Variants in C1QBP observed in about 807,000 individuals in gnomAD.
The protein encoded by C1QBP is complement component 1 Q subcomponent-binding protein, mitochondrial.
A neutral mutation model predicts 29.4 loss-of-function variants in C1QBP; 24 were observed. The ratio of observed to expected loss-of-function variants is 0.82; its 90% CI spans 0.59 to 1.15. The LOEUF is 1.15. Ranked by LOEUF, C1QBP falls within the 50% of genes most tolerant of loss-of-function variation. C1QBP has a pLI of 0.00. For missense variants in C1QBP, 337 were observed against 355.8 expected (o/e 0.95, Z 0.43); for synonymous variants, 182 against 149.2 (o/e 1.22, Z -1.60).
chr17:5,433,428 A>C lies in C1QBP; in HGVS notation c.577-13T>G. On this transcript the variant is annotated splice_polypyrimidine_tract_variant and intron_variant, in intron 4 of 5. Coordinates refer to ENST00000225698, the MANE Select transcript of C1QBP (RefSeq NM_001212.4). ...CTTCTTGTCCAACCTGAGAAGAAACAATATTGGGAAACTGAAGGGTTCTCC... is the reference window on the plus strand; with the variant it reads ...CTTCTTGTCCAACCTGAGAAGAAACCATATTGGGAAACTGAAGGGTTCTCC... 2 of 1,614,158 alleles carry C rather than the reference A, an allele frequency of 1.2e-6. No individual in the cohort carries two copies. The highest frequency in any genetic ancestry group is 1.7e-6 in the Non-Finnish European group (2 of 1,180,022).
chr17:5,435,665 A>C (rs898460470), intron 2 of C1QBP, among the ~76,000 whole-genome samples: 1 of 152,074 alleles, frequency 6.6e-6, no homozygotes, highest in Admixed American at 6.6e-5. Context: ...TTTGAGTCAA[A>C]ATTCTTGGGA....
intron 2 of C1QBP, among the ~76,000 whole-genome samples, 173 bp downstream of exon 2, chr17:5,437,950 G>A (rs1370720295): frequency 6.6e-6 from 1 of 152,088 alleles, no homozygotes; most frequent in African/African-American, 2.4e-5. Flanking sequence ...ATTTGTGTTC[G>A]GTGAATGGAC....
rs567891936 is a variant in C1QBP at position 5,437,601 on chromosome 17, G to A, written c.383+522C>T. Among the ~76,000 whole-genome samples, 16 of 152,306 alleles carry A rather than the reference G, an allele frequency of 1.1e-4. No individual in the cohort carries two copies. The South Asian group carries it at 1.7e-3, about 16-fold the overall frequency. ...GCTGGGATTATGGGTGTGAGCCACC[G>A]CGCCCAGGCTCAATTTAAAAACCTG... is the stretch of plus-strand genomic sequence containing the variant. On this transcript the variant is annotated intron_variant, in intron 2 of 5. Coordinates refer to ENST00000225698, the MANE Select transcript of C1QBP (RefSeq NM_001212.4).
Position 5,438,860 on chromosome 17 carries a change from C to G in C1QBP, c.214G>C (p.Gly72Arg). The change falls in exon 1 of 6, where the codon GGC becomes CGC. Residue 72 changes from glycine (G) to arginine (R), a missense_variant. By Grantham distance (125) the Gly-to-Arg change is moderately radical. Coordinates refer to ENST00000225698, the MANE Select transcript of C1QBP (RefSeq NM_001212.4). ...ACCTCACCGTCGGTGTGCAGCGAGC[C>G]GCAGCCACAGCCACAGGCGCAGGGT... Reference protein sequence around the residue: ...RGPCACGCGCGSLHTDGDKAF... With the variant: ...RGPCACGCGCRSLHTDGDKAF... 1 of 1,545,980 alleles carries G rather than the reference C, an allele frequency of 6.5e-7. No individual in the cohort carries two copies. The highest frequency in any genetic ancestry group is 8.7e-7 in the Non-Finnish European group (1 of 1,145,704).
rs147075098 is a variant in C1QBP, at chr17:5,433,882, T to C, written c.478-115A>G. 3.2e-4 allele frequency: 289 copies of C among 889,844 alleles called. 1 individual carries two copies. The highest frequency in any genetic ancestry group is 2.2e-3 in the Middle Eastern group (10 of 4,566). The allele number at this position is 889,844 out of a possible 1,614,324, so 55.1% of individuals were successfully genotyped here. A position where few individuals can be genotyped will look rare whatever the true frequency, so the allele number is the denominator to read the frequency against. On this transcript the variant is annotated intron_variant, in intron 3 of 5. Transcript: ENST00000225698. ...CACTATTAGGATATTATGTAGCCAT[T>C]TGAATAGTCTTATGCCATACTATTC...
intron 2 of C1QBP, among the ~76,000 whole-genome samples, chr17:5,436,044 G>GAAAAAA (rs556979926): frequency 1.2e-5 from 1 of 85,312 alleles, no homozygotes. Flanking sequence ...GACTCTGTCA[G>GAAAAAA]AAAAAAAAAA....
rs1305122853 is a variant in C1QBP, at chr17:5,433,068, G to C, written c.796C>G (p.Gln266Glu). 6.2e-7 allele frequency: 1 copy of C among 1,613,986 alleles called. No individual in the cohort carries two copies. Among genetic ancestry groups the C allele is most frequent in the South Asian group, 1.1e-5 (1 of 91,052 alleles). The change falls in exon 6 of 6, where the codon CAG becomes GAG. Residue 266 changes from glutamine (Q) to glutamate (E), a missense_variant. Physicochemically the swap from Gln to Glu is conservative, Grantham distance 29. Coordinates refer to ENST00000225698, the MANE Select transcript of C1QBP (RefSeq NM_001212.4). ...TCTTCAAGAAAAGTAATGTACTCCT[G>C]GTGCTCCAGGGCTGTGCTGAGCTCC... ...LVELSTALEHQEYITFLEDLK... is the reference protein window; with the variant it reads ...LVELSTALEHEEYITFLEDLK...
At chr17:5,437,580 GGATTATGGGTGTGAGCCACCGC>G (rs1223786113) in intron 2 of C1QBP, among the ~76,000 whole-genome samples, 1 of 152,170 alleles carries the variant, frequency 6.6e-6, no homozygotes, top group African/African-American at 2.4e-5. Flanking sequence ...CAAAGTGCTG[GGATTATGGGTGTGAGCCACCGC>G]GCCCAGGCTC....
chr17:5,433,204 A>G (rs987255245), intron 5 of C1QBP, 40 bp from the exon 6 acceptor site: 3 of 1,609,144 alleles, frequency 1.9e-6, no homozygotes, highest in Non-Finnish European at 2.5e-6. Flanking sequence ...AAAAATCTGT[A>G]ATGAACATTA....
In C1QBP at chr17:5,433,109, A is replaced by G. The variant is rs199668395; in HGVS notation, c.755T>C (p.Phe252Ser). 2.5e-6 allele frequency: 4 copies of G among 1,614,184 alleles called. No individual in the cohort carries two copies. The highest frequency in any genetic ancestry group is 3.4e-6 in the Non-Finnish European group (4 of 1,180,002). The change falls in exon 6 of 6, where the codon TTT becomes TCT. Residue 252 changes from phenylalanine to serine, a missense_variant. Transcript: ENST00000225698. ...GCTGAGCTCCACCAGCTCATCTGCA[A>G]AAGTGTTGTCCACCCCTCGGTCGGC... ...FLADRGVDNT[F>S]ADELVELSTA...
intron 1 of C1QBP, chr17:5,438,506 A>T: frequency 1.4e-6 from 1 of 703,708 alleles, no homozygotes; most frequent in Non-Finnish European, 2.3e-6. Flanking sequence ...TTCCGCTATA[A>T]ACCAGGAGAA....
chr17:5,433,747 G>A lies in C1QBP; in HGVS notation c.498C>T (p.Pro166=). The A allele has an allele frequency of 6.2e-7, 1 of 1,614,190 alleles. No homozygotes were observed. Among genetic ancestry groups the A allele is most frequent in the African/African-American group, 1.3e-5 (1 of 75,044 alleles). ...TCTTTATAACTTCAACCACGAAATT[G>A]GGAGTTGATGTCAGTTCAGGCTGGG... The part of the protein sequence containing the change: ...EEQEPELTST[P]NFVVEVIKND... The change falls in exon 4 of 6, where the codon CCC becomes CCT. Residue 166 remains proline (P), a synonymous_variant. Transcript: ENST00000225698.
chr17:5,438,782 C>T lies in C1QBP; in HGVS notation c.232+60G>A, dbSNP rs992096025. The stretch of plus-strand genomic sequence containing the variant: ...TCAGAGGTCGGTTGCAGGCCCTATT[C>T]CTGGTCTACGTTTTCCCTCTGTTGA... On this transcript the variant is annotated intron_variant, in intron 1 of 5. Transcript: ENST00000225698. 2.6e-6 allele frequency: 4 copies of T among 1,545,038 alleles called. No homozygotes were observed. In the African/African-American group the frequency reaches 5.5e-5, roughly 21 times the overall value.
chr17:5,434,699 C>T, intron 3 of C1QBP, 174 bp downstream of exon 3: 1 of 487,170 alleles, frequency 2.1e-6, no homozygotes, highest in Non-Finnish European at 3.8e-6. Flanking sequence ...ATCTCTTGAC[C>T]TCGTGATCTG....
intron 2 of C1QBP, 78 bp downstream of exon 2, chr17:5,438,045 C>A: frequency 6.6e-7 from 1 of 1,522,058 alleles, no homozygotes. Context: ...GAACTCAAGG[C>A]TCTTCTGGGG....
At chr17:5,437,081 G>A (rs1201719011) in intron 2 of C1QBP, among the ~76,000 whole-genome samples, 1 of 152,098 alleles carries the variant, frequency 6.6e-6, no homozygotes, top group Non-Finnish European at 1.5e-5. Context: ...CATAGAGAAA[G>A]TAGCTTAGTG....
At position 5,434,941 on chromosome 17, in the gene C1QBP, T is replaced by G. The variant is rs1256206023; in HGVS notation, c.409A>C (p.Asn137His). The change falls in exon 3 of 6, where the codon AAC becomes CAC. Residue 137 changes from asparagine to histidine, a missense_variant. By Grantham distance (68) the Asn-to-His change is moderately conservative (BLOSUM62 1). Transcript: ENST00000225698. The part of the protein sequence containing the change: ...EKITVTFNIN[N>H]SIPPTFDGEE... ...CCATCAAATGTTGGTGGGATGCTGT[T>G]GTTAATGTTGAAAGTGACCGTGATT... The G allele has an allele frequency of 6.2e-7, 1 of 1,613,990 alleles. No individual in the cohort carries two copies. Among genetic ancestry groups the G allele is most frequent in the Non-Finnish European group, 8.5e-7 (1 of 1,179,984 alleles).
At chr17:5,434,276 C>T (rs555117949) in intron 3 of C1QBP, among the ~76,000 whole-genome samples, 4 of 152,128 alleles carry the variant, frequency 2.6e-5, no homozygotes, top group Non-Finnish European at 5.9e-5. Flanking sequence ...AAGCAGCACA[C>T]CAGAGAGCTG....
In C1QBP at chr17:5,432,791, C is replaced by A; in HGVS notation, c.*224G>T. On this transcript the variant is annotated 3_prime_UTR_variant, in exon 6 of 6. Transcript: ENST00000225698. ...GACAAACTGCCTTGGAGGAGATAAA[C>A]CAATTTTATGTCTATCATGTTATAC... 1.3e-6 allele frequency: 1 copy of A among 788,016 alleles called. No homozygotes were observed. Among genetic ancestry groups the A allele is most frequent in the South Asian group, 2.3e-5 (1 of 42,624 alleles). 48.8% of individuals were successfully genotyped at this position (788,016 alleles called of 1,614,324 possible).
Sources: gnomAD v4.1 joint callset for allele counts (sites outside exome capture counted in the v4.1 genomes callset) on GRCh38, gnomAD v4.1.1 for gene constraint, MANE v1.5 for transcripts, NCBI Gene and HGNC (gene_info 2026-07-23, HGNC 2026-07-21) for gene names.